The following PXDNL variants were observed in gnomAD, a reference collection of about 807,000 sequenced individuals.
The protein encoded by PXDNL is peroxidasin like, also known as probable oxidoreductase PXDNL.
Under a neutral mutation model 150.8 loss-of-function variants are expected in PXDNL, and 145 were observed. That is an observed-to-expected ratio of 0.96 (90% confidence interval 0.84 to 1.10). The LOEUF is 1.10. PXDNL is among the 50% of genes least tolerant of loss of function. The probability of loss-of-function intolerance (pLI) is 0.00; values close to 1 mark genes in which losing one functional copy is unlikely to be tolerated. For synonymous variants in PXDNL, 757 were observed against 725.7 expected (o/e 1.04, Z -0.69); for missense variants, 2,087 against 1,873.9 (o/e 1.11, Z -2.10).
chr8:51,748,606 T>TG, intron 1 of PXDNL, among the ~76,000 whole-genome samples: 1 of 152,282 alleles, frequency 6.6e-6, no homozygotes, highest in East Asian at 1.9e-4. Context: ...TGTTTGGGCA[T>TG]GGGGGTGAAG....
intron 1 of PXDNL, among the ~76,000 whole-genome samples, chr8:51,766,471 C>T (rs187531448): frequency 1.8e-3 from 270 of 152,214 alleles, no homozygotes; most frequent in African/African-American, 5.8e-3. Flanking sequence ...AGTTAGGGTC[C>T]TTTATTTCAG....
At chr8:51,635,198 T>C (rs1814581260) in intron 2 of PXDNL, among the ~76,000 whole-genome samples, 1 of 152,012 alleles carries the variant, frequency 6.6e-6, no homozygotes, top group African/African-American at 2.4e-5. Flanking sequence ...AAAAATACTA[T>C]ATACCAAAAC....
rs551030371 is a variant in PXDNL, at chr8:51,672,023, C to T, written c.165-17263G>A. The stretch of plus-strand genomic sequence containing the variant: ...TTGAGACAGAGTCTCACTTTGTCAC[C>T]CAGGCTGGAGTGCAGTGTTGCCATC... On this transcript the variant is annotated intron_variant, in intron 1 of 22. Transcript: ENST00000356297. 2.0e-5 allele frequency among the ~76,000 whole-genome samples: 3 copies of T among 152,202 alleles called. No homozygotes were observed. In the South Asian group the frequency reaches 6.2e-4, roughly 32 times the overall value.
At chr8:51,495,757 A>G (rs1477040310) in intron 5 of PXDNL, among the ~76,000 whole-genome samples, 2 of 152,212 alleles carry the variant, frequency 1.3e-5, no homozygotes, top group Admixed American at 6.5e-5. Context: ...GAATAGACCA[A>G]TAACAGGCTC....
intron 19 of PXDNL, among the ~76,000 whole-genome samples, chr8:51,352,154 C>T (rs1255822994): frequency 6.6e-6 from 1 of 151,686 alleles, no homozygotes; most frequent in African/African-American, 2.4e-5. Flanking sequence ...ATAATTCCCA[C>T]CATAAAAAAA....
intron 2 of PXDNL, among the ~76,000 whole-genome samples, chr8:51,650,306 C>T (rs142418920): frequency 1.2e-3 from 189 of 152,108 alleles, no homozygotes; most frequent in African/African-American, 4.3e-3. Flanking sequence ...TTAAAGTCAA[C>T]TATTTACTAA....
At chr8:51,437,854 A>G (rs1195988763) in intron 12 of PXDNL, among the ~76,000 whole-genome samples, 1 of 152,198 alleles carries the variant, frequency 6.6e-6, no homozygotes, top group Non-Finnish European at 1.5e-5. Flanking sequence ...CAAATGAGTA[A>G]AGAGGAAATC....
At chr8:51,760,071 G>A (rs920493228) in intron 1 of PXDNL, among the ~76,000 whole-genome samples, 3 of 152,116 alleles carry the variant, frequency 2.0e-5, no homozygotes, top group African/African-American at 7.2e-5. Flanking sequence ...TACCCTTGTT[G>A]GAATTTATAT....
intron 1 of PXDNL, among the ~76,000 whole-genome samples, chr8:51,726,597 A>G (rs1816821568): frequency 6.6e-6 from 1 of 152,222 alleles, no homozygotes; most frequent in Non-Finnish European, 1.5e-5. Context: ...CACCTGAACT[A>G]TTCTTTAACT....
intron 4 of PXDNL, among the ~76,000 whole-genome samples, chr8:51,521,497 A>C (rs745342086): frequency 2.0e-5 from 3 of 152,242 alleles, no homozygotes; most frequent in Non-Finnish European, 4.4e-5. Context: ...ATATCCAAGA[A>C]ATGTGGGAAA....
rs148038866 is a variant in PXDNL at position 51,370,979 on chromosome 8, G to T, written c.3901+894C>A. Among the ~76,000 whole-genome samples, 433 of 152,296 alleles carry T rather than the reference G, an allele frequency of 2.8e-3. 3 individuals are homozygous for T. Among genetic ancestry groups the T allele is most frequent in the Non-Finnish European group, 4.5e-3 (309 of 68,026 alleles). ...CTAGTACTACTTAGGTACTGAGAATGATCATTTCAGTCCCAGAGAACATCA... is the reference window on the plus strand; with the variant it reads ...CTAGTACTACTTAGGTACTGAGAATTATCATTTCAGTCCCAGAGAACATCA... On this transcript the variant is annotated intron_variant, in intron 19 of 22. Transcript: ENST00000356297.
At chr8:51,377,272 T>C (rs80167682) in intron 17 of PXDNL, among the ~76,000 whole-genome samples, 19 of 146,664 alleles carry the variant, frequency 1.3e-4, no homozygotes, top group African/African-American at 4.2e-4. Context: ...TTTTTTTTTT[T>C]CTTTTTAAGA....
At chr8:51,533,677 G>C (rs972851108) in intron 4 of PXDNL, among the ~76,000 whole-genome samples, 2 of 149,896 alleles carry the variant, frequency 1.3e-5, no homozygotes, top group African/African-American at 2.5e-5. Flanking sequence ...GGTGGAGACG[G>C]GGTTTTGCTG....
intron 4 of PXDNL, among the ~76,000 whole-genome samples, chr8:51,554,186 C>T (rs185800711): frequency 6.6e-6 from 1 of 152,294 alleles, no homozygotes; most frequent in East Asian, 1.9e-4. Context: ...ATTAGGGGCA[C>T]AATCCACACC....
chr8:51,497,343 C>A (rs1178898104), intron 5 of PXDNL, among the ~76,000 whole-genome samples: 2 of 152,128 alleles, frequency 1.3e-5, no homozygotes, highest in Admixed American at 1.3e-4. Flanking sequence ...AGAAGAAAAC[C>A]TAGGCAATAC....
At chr8:51,364,693 T>G (rs943062143) in intron 19 of PXDNL, among the ~76,000 whole-genome samples, 1 of 152,130 alleles carries the variant, frequency 6.6e-6, no homozygotes, top group Non-Finnish European at 1.5e-5. Context: ...TGTCTCACAA[T>G]CAGTCAGAAA....
chr8:51,567,726 G>A (rs1812856801), intron 3 of PXDNL, among the ~76,000 whole-genome samples: 2 of 151,664 alleles, frequency 1.3e-5, no homozygotes, highest in South Asian at 4.1e-4. Flanking sequence ...GTATCCATAA[G>A]GGATTGGTTT....
At chr8:51,538,863 A>T (rs774837109) in intron 4 of PXDNL, among the ~76,000 whole-genome samples, 3 of 152,212 alleles carry the variant, frequency 2.0e-5, no homozygotes, top group Non-Finnish European at 4.4e-5. Context: ...AATAAGGGGA[A>T]AATCATGCAA....
chr8:51,806,243 A>C (rs2037674182), intron 1 of PXDNL, among the ~76,000 whole-genome samples: 1 of 152,224 alleles, frequency 6.6e-6, no homozygotes, highest in Admixed American at 6.5e-5. Context: ...AACATGTAAA[A>C]ATGGAAAAAA....
Sources: gnomAD v4.1 joint callset for allele counts (sites outside exome capture counted in the v4.1 genomes callset) on GRCh38, gnomAD v4.1.1 for gene constraint, MANE v1.5 for transcripts, NCBI Gene and HGNC (gene_info 2026-07-23, HGNC 2026-07-21) for gene names.